Variants in PDCD11 observed in about 807,000 individuals in gnomAD.
PDCD11 encodes protein RRP5 homolog.
PDCD11 carries 97 observed loss-of-function variants against 198.9 expected under a neutral mutation model. The observed-to-expected ratio is 0.49, with a 90% CI of 0.41 to 0.58. The LOEUF is 0.58. PDCD11 is among the 20% of genes least tolerant of loss of function. The probability of loss-of-function intolerance (pLI) is 0.00; values close to 1 mark genes in which losing one functional copy is unlikely to be tolerated. For missense variants in PDCD11, 2,102 were observed against 2,312.7 expected (o/e 0.91, Z 1.87); for synonymous variants, 893 against 918.0 (o/e 0.97, Z 0.49).
chr10:103,398,572 C>T (rs1019177620), intron 2 of PDCD11, 44 bp downstream of exon 2: 6 of 1,235,384 alleles, frequency 4.9e-6, no homozygotes, highest in Non-Finnish European at 7.1e-6. Flanking sequence ...GAAACTTTTA[C>T]TGTAGTGTCT....
At chr10:103,421,676 A>AT in intron 17 of PDCD11, 109 bp downstream of exon 17, 1 of 932,228 alleles carries the variant, frequency 1.1e-6, no homozygotes, top group South Asian at 1.7e-5. Flanking sequence ...AAGAAAAAAA[A>AT]ATTTGGGGCC....
At chr10:103,434,595 C>T (rs956187133) in intron 24 of PDCD11, 2 of 589,212 alleles carry the variant, frequency 3.4e-6, no homozygotes, top group African/African-American at 3.7e-5. Context: ...TCTCAAGTCC[C>T]TGGGAAAGAG....
At position 103,407,300 on chromosome 10, in the gene PDCD11, T is replaced by A. The variant is rs769313175; in HGVS notation, c.870+510T>A. ...GGTCTCTCTTTTTTTAATTAAAAAA[T>A]ATATATATTTTCCTAGCACTTTGGA... On this transcript the variant is annotated intron_variant, in intron 7 of 35. Coordinates refer to ENST00000369797, the MANE Select transcript of PDCD11 (RefSeq NM_014976.2). Among the ~76,000 whole-genome samples, 18 of 152,200 alleles carry A rather than the reference T, an allele frequency of 1.2e-4. No homozygotes were observed. In the South Asian group the frequency reaches 1.2e-3, roughly 11 times the overall value.
intron 17 of PDCD11, 65 bp downstream of exon 17, chr10:103,421,632 G>A: frequency 7.7e-7 from 1 of 1,292,892 alleles, no homozygotes; most frequent in Admixed American, 2.0e-5. Context: ...AATTACACCT[G>A]TTGTTAGGTG....
chr10:103,409,566 T>TA lies in PDCD11; in HGVS notation c.871-133_871-132insA. The TA allele has an allele frequency of 2.0e-5, 13 of 635,810 alleles. No individual in the cohort carries two copies. In the South Asian group the frequency reaches 2.4e-4, roughly 12 times the overall value. 39.4% of individuals were successfully genotyped at this position (635,810 alleles called of 1,614,324 possible). ...TTATTTGTATAGGAAGAAAAGATTG[T>TA]TAAGAGTTACCTGGGAGAGGAGAGA... On this transcript the variant is annotated intron_variant, in intron 7 of 35. Coordinates refer to ENST00000369797, the MANE Select transcript of PDCD11 (RefSeq NM_014976.2).
intron 32 of PDCD11, 34 bp from the exon 33 acceptor site, chr10:103,443,131 T>C: frequency 1.3e-6 from 2 of 1,533,748 alleles, no homozygotes; most frequent in Non-Finnish European, 8.8e-7. Flanking sequence ...ACTGGTTTCA[T>C]GTGGCGCTCA....
chr10:103,411,440 A>G (rs1288506605), intron 8 of PDCD11, among the ~76,000 whole-genome samples: 1 of 152,174 alleles, frequency 6.6e-6, no homozygotes, highest in East Asian at 1.9e-4. Flanking sequence ...ACCACGGTTA[A>G]TTGCAACCTC....
chr10:103,406,514 A>C, intron 6 of PDCD11, 95 bp from the exon 7 acceptor site: 1 of 1,063,786 alleles, frequency 9.4e-7, no homozygotes, highest in Non-Finnish European at 1.4e-6. Context: ...CTGGGCAGGT[A>C]GGCCATGGGT....
In PDCD11 at chr10:103,432,116, T is replaced by C. The variant is rs1474168632; in HGVS notation, c.3369-13T>C. 1 of 1,593,114 alleles carries C rather than the reference T, an allele frequency of 6.3e-7. No individual in the cohort carries two copies. Among genetic ancestry groups the C allele is most frequent in the South Asian group, 1.1e-5 (1 of 90,656 alleles). ...AGATGGGTTTACTGTTTACATTTCC[T>C]TTCTGCAAACAGTGAGCTGGAGGAT... On this transcript the variant is annotated splice_polypyrimidine_tract_variant and intron_variant, in intron 21 of 35. Coordinates refer to ENST00000369797, the MANE Select transcript of PDCD11 (RefSeq NM_014976.2).
intron 13 of PDCD11, among the ~76,000 whole-genome samples, chr10:103,417,567 G>A (rs145079262): frequency 2.1e-3 from 325 of 152,362 alleles, no homozygotes; most frequent in African/African-American, 7.5e-3. Context: ...TAATTTTTAA[G>A]ACTTGGATTG....
chr10:103,419,876 G>A (rs969881755), intron 16 of PDCD11, among the ~76,000 whole-genome samples, 168 bp downstream of exon 16: 5 of 150,590 alleles, frequency 3.3e-5, no homozygotes, highest in African/African-American at 9.8e-5. Flanking sequence ...TGTAACCTCC[G>A]CCTCCTGGGC....
chr10:103,397,599 A>G (rs920788770), intron 1 of PDCD11, among the ~76,000 whole-genome samples: 11 of 152,154 alleles, frequency 7.2e-5, no homozygotes, highest in African/African-American at 2.4e-4. Context: ...ACGCCCGGCT[A>G]ATTTTTGCGT....
At chr10:103,425,736 G>A (rs746712006) in intron 20 of PDCD11, among the ~76,000 whole-genome samples, 5 of 152,014 alleles carry the variant, frequency 3.3e-5, no homozygotes, top group Non-Finnish European at 7.4e-5. Flanking sequence ...CTGAAGTGCA[G>A]TGGTGTGATC....
At chr10:103,423,753 A>G (rs1253524712) in intron 19 of PDCD11, 95 bp downstream of exon 19, 2 of 811,044 alleles carry the variant, frequency 2.5e-6, no homozygotes, top group African/African-American at 3.4e-5. Context: ...TGCCTGTAGC[A>G]AGGGTAGCCC....
chr10:103,402,546 C>G (rs1198018708), intron 3 of PDCD11, among the ~76,000 whole-genome samples: 2 of 150,562 alleles, frequency 1.3e-5, no homozygotes, highest in African/African-American at 2.4e-5. Flanking sequence ...TCAGGTGATT[C>G]TCCTGCCTCA....
Position 103,419,485 on chromosome 10 carries a change from G to A in PDCD11, c.2107-53G>A. 3.2e-6 allele frequency: 5 copies of A among 1,566,370 alleles called. No individual in the cohort carries two copies. The South Asian group carries it at 3.6e-5, about 11-fold the overall frequency. ...CTCTGTGGAGAAAGGAGATGGGAGA[G>A]ATGGACATTTCATCTGCCCTTTCTG... On this transcript the variant is annotated intron_variant, in intron 15 of 35. Coordinates refer to ENST00000369797, the MANE Select transcript of PDCD11 (RefSeq NM_014976.2).
intron 16 of PDCD11, among the ~76,000 whole-genome samples, 188 bp from the exon 17 acceptor site, chr10:103,421,160 C>T (rs765377373): frequency 1.3e-5 from 2 of 152,120 alleles, no homozygotes; most frequent in Admixed American, 1.3e-4. Context: ...AGGCGTGAGC[C>T]ACTGCTCCCA....
In PDCD11 at chr10:103,439,838, A is replaced by G. The variant is rs1346588232; in HGVS notation, c.4118A>G (p.Glu1373Gly). 1.9e-6 allele frequency: 3 copies of G among 1,614,100 alleles called. No homozygotes were observed. Among genetic ancestry groups the G allele is most frequent in the Non-Finnish European group, 2.5e-6 (3 of 1,179,990 alleles). ...KKALYNKHLP[E>G]GKLLTARVLR... ...GCCCTTTATAACAAACACCTCCCTG[A>G]AGGGAAGCTGCTCACAGCCAGGGTC... Residue 1373 changes from glutamate (E) to glycine (G), a missense_variant, in exon 28 of 36, where the codon GAA (glutamate) becomes GGA (glycine). Coordinates refer to ENST00000369797, the MANE Select transcript of PDCD11 (RefSeq NM_014976.2).
At chr10:103,409,886 G>A (rs1564759766) in intron 8 of PDCD11, 80 bp downstream of exon 8, 2 of 1,036,250 alleles carry the variant, frequency 1.9e-6, no homozygotes, top group Admixed American at 1.7e-5. Flanking sequence ...GCTACAGGGA[G>A]GTCCTAGGAC....
Sources: gnomAD v4.1 joint callset for allele counts (sites outside exome capture counted in the v4.1 genomes callset) on GRCh38, gnomAD v4.1.1 for gene constraint, MANE v1.5 for transcripts, NCBI Gene and HGNC (gene_info 2026-07-23, HGNC 2026-07-21) for gene names.